ARRB1: variants seen among roughly 807,000 people sequenced by gnomAD.
ARRB1 encodes the protein arrestin beta 1.
In ARRB1, 21 loss-of-function variants were observed where a neutral mutation model predicts 56.8. The observed-to-expected ratio is 0.37, with a 90% CI of 0.26 to 0.53. ARRB1 has a LOEUF of 0.53. Ranked by LOEUF, ARRB1 falls within the 20% of genes least tolerant of loss-of-function variation. The pLI is 0.88. For synonymous variants in ARRB1, 210 were observed against 218.6 expected (o/e 0.96, Z 0.35); for missense variants, 424 against 553.7 (o/e 0.77, Z 2.35).
At chr11:75,318,547 G>A (rs2140492317) in intron 1 of ARRB1, among the ~76,000 whole-genome samples, 1 of 152,204 alleles carries the variant, frequency 6.6e-6, no homozygotes, top group East Asian at 1.9e-4. Flanking sequence ...AAAATTAGCT[G>A]GGCATGGTGG....
At chr11:75,299,059 A>G (rs1946832011) in intron 1 of ARRB1, among the ~76,000 whole-genome samples, 1 of 151,754 alleles carries the variant, frequency 6.6e-6, no homozygotes, top group East Asian at 1.9e-4. Context: ...GTGGTTGCCA[A>G]GGGTTGATGG....
chr11:75,273,139 G>A (rs1946108483), intron 11 of ARRB1, among the ~76,000 whole-genome samples, 161 bp from the exon 12 acceptor site: 1 of 152,204 alleles, frequency 6.6e-6, no homozygotes, highest in South Asian at 2.1e-4. Flanking sequence ...AAGGCGAGCA[G>A]TGCCCTTAGG....
chr11:75,267,712 AGGGTGGGT>A lies in ARRB1; in HGVS notation c.1094-17_1094-10del. On this transcript the variant is annotated splice_polypyrimidine_tract_variant and intron_variant, in intron 14 of 15. Transcript: ENST00000420843. ...CGTCTCGTTCTCTGGAACTAAACAC[AGGGTGGGT>A]GGGCAGGGTGTCCAGGGATTAGTGA... 2 of 673,594 alleles carry A rather than the reference AGGGTGGGT, an allele frequency of 3.0e-6. No homozygotes were observed. Among genetic ancestry groups the A allele is most frequent in the Non-Finnish European group, 5.3e-6 (2 of 377,588 alleles). 41.7% of individuals were successfully genotyped at this position (673,594 alleles called of 1,614,324 possible). A position where few individuals can be genotyped will look rare whatever the true frequency, so the allele number is the denominator to read the frequency against.
chr11:75,270,585 C>T (rs928496338), intron 13 of ARRB1, among the ~76,000 whole-genome samples: 7 of 151,682 alleles, frequency 4.6e-5, no homozygotes, highest in Non-Finnish European at 1.0e-4. Flanking sequence ...CAAGATCGTG[C>T]CACTGCACTC....
rs934547724 is a variant in ARRB1, at chr11:75,306,693, G to A, written c.21-16654C>T. The A allele has an allele frequency of 5.0e-5, 64 of 1,269,084 alleles. No homozygotes were observed. In the African/African-American group the frequency reaches 7.0e-4, roughly 14 times the overall value. The allele number at this position is 1,269,084 out of a possible 1,614,324, so 78.6% of individuals were successfully genotyped here. On this transcript the variant is annotated intron_variant, in intron 1 of 15. Coordinates refer to ENST00000420843, the MANE Select transcript of ARRB1 (RefSeq NM_004041.5). Reference sequence around the variant, plus strand: ...CAGCAGCCAGGCCAGGGCCAGCCCCGCAGGCTCAGCTCTCCCCAGCCCCAA... The same window carrying A: ...CAGCAGCCAGGCCAGGGCCAGCCCCACAGGCTCAGCTCTCCCCAGCCCCAA...
rs1167399400 is a variant in ARRB1, at chr11:75,264,867, T to C, written c.*1296A>G. ...GCAAAGAGGATAACTCCTAACACTT[T>C]CTATCTCATCTCCCATCTGGCTTCT... On this transcript the variant is annotated 3_prime_UTR_variant, in exon 16 of 16. Coordinates refer to ENST00000420843, the MANE Select transcript of ARRB1 (RefSeq NM_004041.5). The C allele has an allele frequency of 1.3e-5, 2 of 152,268 alleles. No homozygotes were observed. The highest frequency in any genetic ancestry group is 2.9e-5 in the Non-Finnish European group (2 of 68,132). 9.4% of individuals were successfully genotyped at this position (152,268 alleles called of 1,614,324 possible).
intron 10 of ARRB1, 115 bp downstream of exon 10, chr11:75,276,724 G>A (rs1310662783): frequency 2.1e-6 from 2 of 970,054 alleles, no homozygotes; most frequent in African/African-American, 3.2e-5. Context: ...GGAAGTCTGA[G>A]GCCCAGCCCT....
intron 1 of ARRB1, among the ~76,000 whole-genome samples, chr11:75,298,358 G>A (rs1241408084): frequency 1.3e-5 from 2 of 152,078 alleles, no homozygotes; most frequent in African/African-American, 2.4e-5. Context: ...CAACAAACAG[G>A]TGAATCACCC....
At chr11:75,351,418 C>T in intron 1 of ARRB1, among the ~76,000 whole-genome samples, 170 bp downstream of exon 1, 1 of 152,222 alleles carries the variant, frequency 6.6e-6, no homozygotes, top group East Asian at 1.9e-4. Context: ...GGTCCCCCCG[C>T]CCACGGCCCT....
chr11:75,287,869 A>AT (rs139815733), intron 2 of ARRB1, among the ~76,000 whole-genome samples: 2 of 151,484 alleles, frequency 1.3e-5, no homozygotes, highest in African/African-American at 2.4e-5. Flanking sequence ...TTCTTAAATA[A>AT]TTTTTTTTTC....
intron 14 of ARRB1, among the ~76,000 whole-genome samples, 167 bp downstream of exon 14, chr11:75,268,722 T>C (rs1946000898): frequency 6.6e-6 from 1 of 151,652 alleles, no homozygotes; most frequent in African/African-American, 2.4e-5. Flanking sequence ...CGCCTCACTG[T>C]CTCCTGGTGG....
At chr11:75,306,622 A>T (rs515590) in intron 1 of ARRB1, 2 of 1,289,526 alleles carry the variant, frequency 1.6e-6, no homozygotes, top group Non-Finnish European at 2.0e-6. Flanking sequence ...GCGCCAAAGC[A>T]GTGGACTGTG....
At chr11:75,306,473 A>G (rs1947033048) in intron 1 of ARRB1, 6 of 722,144 alleles carry the variant, frequency 8.3e-6, no homozygotes, top group Non-Finnish European at 1.3e-5. Flanking sequence ...TGCACATCTC[A>G]TGGAGAGAGG....
intron 1 of ARRB1, among the ~76,000 whole-genome samples, chr11:75,294,053 G>A (rs764993171): frequency 6.6e-6 from 1 of 152,130 alleles, no homozygotes; most frequent in Non-Finnish European, 1.5e-5. Context: ...CTGGTTGAAT[G>A]GCCCACTTCC....
intron 1 of ARRB1, among the ~76,000 whole-genome samples, chr11:75,295,420 T>C (rs1263309166): frequency 6.6e-6 from 1 of 152,098 alleles, no homozygotes; most frequent in Non-Finnish European, 1.5e-5. Context: ...CCTTGGCTCA[T>C]GGCCCCTGCT....
chr11:75,316,772 TA>T (rs890194459), intron 1 of ARRB1, among the ~76,000 whole-genome samples: 24 of 151,514 alleles, frequency 1.6e-4, no homozygotes, highest in African/African-American at 5.8e-4. Flanking sequence ...TTTTTTTAAT[TA>T]AAAAAAATAA....
chr11:75,335,908 G>A (rs961834149), intron 1 of ARRB1, among the ~76,000 whole-genome samples: 5 of 152,152 alleles, frequency 3.3e-5, no homozygotes, highest in African/African-American at 7.2e-5. Context: ...TTTTATAGAC[G>A]GGGACAAAAC....
chr11:75,273,016 G>C (rs1309171380), intron 11 of ARRB1, 38 bp from the exon 12 acceptor site: 2 of 1,597,364 alleles, frequency 1.3e-6, no homozygotes, highest in South Asian at 2.2e-5. Context: ...CAGGGGCCTT[G>C]CCAGGTGGGC....
At chr11:75,336,480 A>T (rs1183531434) in intron 1 of ARRB1, among the ~76,000 whole-genome samples, 1 of 151,764 alleles carries the variant, frequency 6.6e-6, no homozygotes, top group Non-Finnish European at 1.5e-5. Context: ...TTCAAGTCCT[A>T]CTCCTGTCCT....
Sources: gnomAD v4.1 joint callset for allele counts (sites outside exome capture counted in the v4.1 genomes callset) on GRCh38, gnomAD v4.1.1 for gene constraint, MANE v1.5 for transcripts, NCBI Gene and HGNC (gene_info 2026-07-23, HGNC 2026-07-21) for gene names.